CBR4: variants seen among roughly 807,000 people sequenced by gnomAD.
CBR4 encodes 3-oxoacyl-[acyl-carrier-protein] reductase.
In CBR4, 22 loss-of-function variants were observed where a neutral mutation model predicts 21.0. The observed-to-expected ratio is 1.05, with a 90% CI of 0.75 to 1.50. The LOEUF (loss-of-function observed/expected upper bound fraction) is 1.50. CBR4 is among the 40% of genes most tolerant of loss of function. The probability of loss-of-function intolerance (pLI) is 0.00; values close to 1 mark genes in which losing one functional copy is unlikely to be tolerated. For synonymous variants in CBR4, 100 were observed against 104.4 expected (o/e 0.96, Z 0.26); for missense variants, 302 against 286.3 (o/e 1.05, Z -0.40).
intron 2 of CBR4, among the ~76,000 whole-genome samples, chr4:168,961,540 C>A (rs999533832): frequency 3.3e-5 from 5 of 152,136 alleles, no homozygotes; most frequent in African/African-American, 9.6e-5. Context: ...TTTCCAGTTT[C>A]TCCATGAGAT....
intron 2 of CBR4, among the ~76,000 whole-genome samples, chr4:168,917,803 T>A: frequency 6.6e-6 from 1 of 152,148 alleles, no homozygotes; most frequent in East Asian, 1.9e-4. Flanking sequence ...ATATATTTTA[T>A]ATATATATGA....
chr4:168,916,568 TC>T (rs1760150393), intron 2 of CBR4, among the ~76,000 whole-genome samples: 2 of 152,156 alleles, frequency 1.3e-5, no homozygotes, highest in South Asian at 4.1e-4. Context: ...GTTTTATTTA[TC>T]CCTTTAAATG....
chr4:168,964,221 T>C (rs1454741422), intron 2 of CBR4, among the ~76,000 whole-genome samples: 2 of 152,210 alleles, frequency 1.3e-5, no homozygotes, highest in East Asian at 1.9e-4. Context: ...ATTAGACAAC[T>C]GTCTGGTTAA....
chr4:168,990,611 A>G (rs1301671236), intron 4 of CBR4, among the ~76,000 whole-genome samples: 2 of 151,790 alleles, frequency 1.3e-5, no homozygotes, highest in Non-Finnish European at 2.9e-5. Context: ...TAGTTTTTGT[A>G]CTTTTTGTAG....
intron 2 of CBR4, chr4:168,904,022 A>G (rs1003974182): frequency 1.9e-6 from 2 of 1,043,212 alleles, no homozygotes; most frequent in South Asian, 2.6e-5. Context: ...TTATGAAACT[A>G]TTTTTCCAAA....
chr4:168,921,720 A>C, intron 2 of CBR4: 1 of 1,611,570 alleles, frequency 6.2e-7, no homozygotes, highest in Non-Finnish European at 8.5e-7. Context: ...GAACTCATTC[A>C]GCCTGGAGCT....
At chr4:168,965,099 A>T (rs1231313917) in intron 2 of CBR4, among the ~76,000 whole-genome samples, 1 of 152,212 alleles carries the variant, frequency 6.6e-6, no homozygotes, top group Non-Finnish European at 1.5e-5. Flanking sequence ...AATCATAAGC[A>T]TTCCTATACA....
chr4:168,943,980 CAG>C (rs1481653266), intron 2 of CBR4, among the ~76,000 whole-genome samples: 2 of 152,020 alleles, frequency 1.3e-5, no homozygotes, highest in Non-Finnish European at 2.9e-5. Flanking sequence ...AAGAATATGA[CAG>C]AAAGTATTGA....
At chr4:168,922,715 A>C (rs935328922) in intron 2 of CBR4, among the ~76,000 whole-genome samples, 1 of 152,246 alleles carries the variant, frequency 6.6e-6, no homozygotes, top group Admixed American at 6.5e-5. Flanking sequence ...CATGCTTTCA[A>C]GTTTTGTACA....
chr4:168,948,740 C>T (rs550756811), intron 2 of CBR4, among the ~76,000 whole-genome samples: 2 of 152,138 alleles, frequency 1.3e-5, no homozygotes, highest in African/African-American at 4.8e-5. Context: ...GTTTTTATAC[C>T]AGTACCATGC....
chr4:168,902,285 T>G (rs1303317273), intron 2 of CBR4, among the ~76,000 whole-genome samples: 3 of 151,374 alleles, frequency 2.0e-5, no homozygotes, highest in Non-Finnish European at 4.4e-5. Context: ...TACTTTTGGC[T>G]GCAAGGAACA....
intron 2 of CBR4, among the ~76,000 whole-genome samples, chr4:168,918,608 T>C (rs1760761340): frequency 6.6e-6 from 1 of 152,192 alleles, no homozygotes; most frequent in Non-Finnish European, 1.5e-5. Flanking sequence ...AAGAGATCTG[T>C]TGTACAACAT....
At chr4:168,976,976 G>A (rs940943589) in intron 2 of CBR4, among the ~76,000 whole-genome samples, 7 of 152,320 alleles carry the variant, frequency 4.6e-5, no homozygotes, top group Non-Finnish European at 8.8e-5. Flanking sequence ...ATGTGTGTTC[G>A]GAAGCCAACT....
chr4:169,000,178 C>A (rs759847810), intron 4 of CBR4, among the ~76,000 whole-genome samples: 1 of 152,188 alleles, frequency 6.6e-6, no homozygotes, highest in Non-Finnish European at 1.5e-5. Context: ...GATAGTTCAT[C>A]TAGGCTAACG....
chr4:168,998,496 G>C (rs986439876), intron 4 of CBR4, among the ~76,000 whole-genome samples: 3 of 152,126 alleles, frequency 2.0e-5, no homozygotes, highest in Admixed American at 2.0e-4. Flanking sequence ...TGTAGATACA[G>C]AAAGTAGTTT....
chr4:168,904,029 C>G, intron 2 of CBR4: 2 of 940,874 alleles, frequency 2.1e-6, no homozygotes, highest in African/African-American at 3.2e-5. Context: ...ACTATTTTTC[C>G]AAATTCTACA....
At chr4:168,924,553 A>G (rs1762207644) in intron 2 of CBR4, 8 of 948,770 alleles carry the variant, frequency 8.4e-6, no homozygotes, top group African/African-American at 8.2e-5. Context: ...GAAATCAATC[A>G]AAGACAAAAA....
rs1373875991 is a variant in CBR4 at position 169,009,990 on chromosome 4, T to C, written c.100A>G (p.Arg34Gly). 3.7e-6 allele frequency: 6 copies of C among 1,613,304 alleles called. No homozygotes were observed. The highest frequency in any genetic ancestry group is 5.1e-6 in the Non-Finnish European group (6 of 1,179,798). ...RKGYRLAVIA[R>G]NLEGAKAAAG... ...GCGGCTTTGGCCCCTTCCAGGTTTC[T>C]GGCAATGACCGCCAGTCGGTAGCCT... The change falls in exon 1 of 5, where the codon AGA (arginine) becomes GGA (glycine). Residue 34 changes from arginine to glycine, a missense_variant. By Grantham distance (125) the Arg-to-Gly change is moderately radical. Transcript: ENST00000306193.
chr4:168,956,612 A>C (rs1763694430), intron 2 of CBR4, among the ~76,000 whole-genome samples: 1 of 150,838 alleles, frequency 6.6e-6, no homozygotes, highest in Non-Finnish European at 1.5e-5. Context: ...AAAAAAAAAA[A>C]AAAAAAAAAA....
Sources: allele counts gnomAD v4.1 joint callset (sites outside exome capture counted in the v4.1 genomes callset), GRCh38; gene constraint gnomAD v4.1.1; transcripts MANE v1.5; gene names NCBI Gene and HGNC (gene_info 2026-07-23, HGNC 2026-07-21).